Variants in CFAP299 observed in about 807,000 individuals in gnomAD.
The protein encoded by CFAP299 is cilia- and flagella-associated protein 299.
CFAP299 carries 21 observed loss-of-function variants against 27.0 expected under a neutral mutation model. The ratio of observed to expected loss-of-function variants is 0.78; its 90% CI spans 0.55 to 1.12. CFAP299 has a LOEUF of 1.12. Ranked by LOEUF, CFAP299 falls within the 50% of genes most tolerant of loss-of-function variation. CFAP299 has a pLI of 0.00. For missense variants in CFAP299, 310 were observed against 276.6 expected, an observed-to-expected ratio of 1.12 and a Z score of -0.86; for synonymous variants, 104 against 98.1, an observed-to-expected ratio of 1.06 and a Z score of -0.36.
In CFAP299 at chr4:80,593,015, C is replaced by T. The variant is rs190534787; in HGVS notation, c.333+9832C>T. ...AAACAATATTATGTTTATTTAGATG[C>T]TATAGCTAAAAACGGAACACAAGTG... On this transcript the variant is annotated intron_variant, in intron 3 of 5. Coordinates refer to ENST00000358105, the MANE Select transcript of CFAP299 (RefSeq NM_152770.3). 5.9e-5 allele frequency among the ~76,000 whole-genome samples: 9 copies of T among 152,264 alleles called. 1 individual carries two copies. The highest frequency in any genetic ancestry group is 1.7e-4 in the African/African-American group (7 of 41,562).
intron 2 of CFAP299, among the ~76,000 whole-genome samples, chr4:80,558,354 G>GTTTTTTTTTTTTTTTTTTTTTTT (rs1159652533): frequency 7.9e-6 from 1 of 126,444 alleles, no homozygotes; most frequent in African/African-American, 3.3e-5. Context: ...TTGTTTGTTT[G>GTTTTTTTTTTTTTTTTTTTTTTT]TTTGTTTGTT....
chr4:80,859,905 C>T (rs1199257779), intron 3 of CFAP299, among the ~76,000 whole-genome samples: 5 of 152,048 alleles, frequency 3.3e-5, no homozygotes, highest in East Asian at 1.9e-4. Context: ...TTGCTCTTCT[C>T]GAGGAGTATC....
chr4:80,433,634 T>G (rs1727927652), intron 2 of CFAP299, among the ~76,000 whole-genome samples: 2 of 152,178 alleles, frequency 1.3e-5, no homozygotes, highest in Admixed American at 6.5e-5. Context: ...CATGTAATTT[T>G]TTTTGCTAAA....
chr4:80,418,152 T>A (rs1727107573), intron 2 of CFAP299, among the ~76,000 whole-genome samples: 1 of 152,160 alleles, frequency 6.6e-6, no homozygotes, highest in African/African-American at 2.4e-5. Flanking sequence ...CACTGCACAG[T>A]CTGGGACAAT....
intron 2 of CFAP299, among the ~76,000 whole-genome samples, chr4:80,548,927 A>G (rs1734371600): frequency 6.6e-6 from 1 of 152,132 alleles, no homozygotes. Flanking sequence ...AGCAGGAGTT[A>G]GGGAGACAAA....
At chr4:80,550,639 C>G (rs1734458456) in intron 2 of CFAP299, among the ~76,000 whole-genome samples, 1 of 151,720 alleles carries the variant, frequency 6.6e-6, no homozygotes, top group Admixed American at 6.6e-5. Flanking sequence ...TTCTTCATTC[C>G]CCACCATTTT....
chr4:80,696,023 C>T (rs188885682), intron 3 of CFAP299, among the ~76,000 whole-genome samples: 28 of 151,974 alleles, frequency 1.8e-4, no homozygotes, highest in African/African-American at 6.5e-4. Flanking sequence ...AAGTAGAGGC[C>T]GGGTGTGGTG....
intron 2 of CFAP299, among the ~76,000 whole-genome samples, chr4:80,471,788 C>G (rs1167674034): frequency 6.6e-6 from 1 of 152,174 alleles, no homozygotes; most frequent in Non-Finnish European, 1.5e-5. Context: ...AGCATTCAGA[C>G]TCCACAGCGT....
upstream of CFAP299, among the ~76,000 whole-genome samples, chr4:80,334,147 A>G (rs758665129): frequency 2.0e-5 from 3 of 152,220 alleles, no homozygotes; most frequent in African/African-American, 7.2e-5. Context: ...TTAAATTTAG[A>G]TGCTGTAGAG....
At chr4:80,780,060 T>C (rs1726783213) in intron 3 of CFAP299, among the ~76,000 whole-genome samples, 2 of 152,026 alleles carry the variant, frequency 1.3e-5, no homozygotes, top group South Asian at 4.1e-4. Context: ...CCTACTCTTA[T>C]TGCCACAATT....
chr4:80,381,379 C>CTTT lies in CFAP299; in HGVS notation c.242+18495_242+18496insTTT. Among the ~76,000 whole-genome samples the CTTT allele has an allele frequency of 3.8e-3, 23 of 6,046 alleles. 3 individuals carry two copies. Among genetic ancestry groups the CTTT allele is most frequent in the African/African-American group, 4.5e-3 (23 of 5,064 alleles). 4.0% of individuals were successfully genotyped at this position (6,046 alleles called of 152,430 possible). A position where few individuals can be genotyped will look rare whatever the true frequency, so the allele number is the denominator to read the frequency against. ...TATTTATAATTACTCTTAACATATA[C>CTTT]ATTTTTTTTTTTTTTTTTTTTTTTT... On this transcript the variant is annotated intron_variant, in intron 2 of 5. Coordinates refer to ENST00000358105, the MANE Select transcript of CFAP299 (RefSeq NM_152770.3).
chr4:80,326,997 T>G, the CFAP299 span, among the ~76,000 whole-genome samples: 1 of 152,296 alleles, frequency 6.6e-6, no homozygotes, highest in African/African-American at 2.4e-5. Context: ...CCAGGTGCTG[T>G]TATTGATTCC....
intron 2 of CFAP299, among the ~76,000 whole-genome samples, chr4:80,372,289 A>G (rs111651596): frequency 1.4e-4 from 22 of 152,170 alleles, no homozygotes; most frequent in Non-Finnish European, 2.6e-4. Context: ...CCATGATCCA[A>G]TCACCTCCCA....
At chr4:80,668,083 C>T (rs746171048) in intron 3 of CFAP299, among the ~76,000 whole-genome samples, 2 of 151,816 alleles carry the variant, frequency 1.3e-5, no homozygotes, top group Non-Finnish European at 2.9e-5. Flanking sequence ...TGATGTTGAG[C>T]TTTTTATCTG....
chr4:80,644,512 T>C (rs1739892545), intron 3 of CFAP299, among the ~76,000 whole-genome samples: 1 of 152,198 alleles, frequency 6.6e-6, no homozygotes, highest in Non-Finnish European at 1.5e-5. Flanking sequence ...TCCATTAAAA[T>C]AATCTTTATT....
In CFAP299 at chr4:80,335,757, G is replaced by A. The variant is rs1240057010; in HGVS notation, c.-12G>A. The A allele has an allele frequency of 1.9e-6, 3 of 1,565,648 alleles. No individual in the cohort carries two copies. Among genetic ancestry groups the A allele is most frequent in the South Asian group, 2.2e-5 (2 of 90,084 alleles). On this transcript the variant is annotated 5_prime_UTR_variant, in exon 1 of 6. Coordinates refer to ENST00000358105, the MANE Select transcript of CFAP299 (RefSeq NM_152770.3). ...TTCCGTTGCTAGGGACGCTTCGGCC[G>A]AGGATACCGCAATGGATCAGGAAGA...
chr4:80,648,003 G>T (rs1740112281), intron 3 of CFAP299, among the ~76,000 whole-genome samples: 1 of 152,190 alleles, frequency 6.6e-6, no homozygotes, highest in Non-Finnish European at 1.5e-5. Flanking sequence ...GTTGCAGTAA[G>T]CTGAGATCCG....
chr4:80,795,941 T>A (rs887656778), intron 3 of CFAP299, among the ~76,000 whole-genome samples: 1 of 152,146 alleles, frequency 6.6e-6, no homozygotes. Flanking sequence ...TGGCTCCAAA[T>A]AGCATTCCTA....
chr4:80,404,237 C>T (rs548919412), intron 2 of CFAP299, among the ~76,000 whole-genome samples: 115 of 150,634 alleles, frequency 7.6e-4, no homozygotes, highest in African/African-American at 2.3e-3. Context: ...TATATATATA[C>T]ACACACACAC....
Sources: gnomAD v4.1 joint callset for allele counts (sites outside exome capture counted in the v4.1 genomes callset) on GRCh38, gnomAD v4.1.1 for gene constraint, MANE v1.5 for transcripts, NCBI Gene and HGNC (gene_info 2026-07-23, HGNC 2026-07-21) for gene names.